The following CA5A variants were observed in gnomAD, a reference collection of about 807,000 sequenced individuals.
CA5A encodes the protein carbonic anhydrase 5A, mitochondrial.
A neutral mutation model predicts 37.1 loss-of-function variants in CA5A; 28 were observed. The ratio of observed to expected loss-of-function variants is 0.75; its 90% CI spans 0.56 to 1.03. The LOEUF is 1.03. Ranked by LOEUF, CA5A falls within the 50% of genes least tolerant of loss-of-function variation. CA5A has a pLI of 0.00. For missense variants in CA5A, 444 were observed against 399.9 expected (o/e 1.11, Z -0.94); for synonymous variants, 171 against 158.4 (o/e 1.08, Z -0.60).
At chr16:87,918,862 AG>A (rs1325553100) in intron 2 of CA5A, among the ~76,000 whole-genome samples, 1 of 152,224 alleles carries the variant, frequency 6.6e-6, no homozygotes, top group African/African-American at 2.4e-5. Flanking sequence ...AAATCTGTGA[AG>A]GAGAGGACCG....
chr16:87,901,566 T>G (rs1456626974), intron 5 of CA5A, among the ~76,000 whole-genome samples: 4 of 151,500 alleles, frequency 2.6e-5, no homozygotes, highest in Admixed American at 1.3e-4. Context: ...GCTTGTCAGA[T>G]TATACTGATT....
chr16:87,903,913 T>C (rs1733934193), intron 3 of CA5A, among the ~76,000 whole-genome samples: 1 of 152,150 alleles, frequency 6.6e-6, no homozygotes, highest in Admixed American at 6.6e-5. Context: ...AAAAATTTCA[T>C]AATGAAATAT....
chr16:87,894,766 C>T (rs1162635618), intron 5 of CA5A, among the ~76,000 whole-genome samples: 1 of 152,082 alleles, frequency 6.6e-6, no homozygotes. Flanking sequence ...GTCATCGCAG[C>T]TGCTCGGGAG....
At chr16:87,907,777 T>A (rs540222420) in intron 2 of CA5A, among the ~76,000 whole-genome samples, 65 of 152,164 alleles carry the variant, frequency 4.3e-4, no homozygotes, top group African/African-American at 1.5e-3. Flanking sequence ...ATACAAAAAA[T>A]TAGCCAGGTG....
At chr16:87,915,350 C>T (rs867537467) in intron 2 of CA5A, among the ~76,000 whole-genome samples, 1 of 151,996 alleles carries the variant, frequency 6.6e-6, no homozygotes, top group Admixed American at 6.6e-5. Context: ...GCGATGTACC[C>T]ACAGCATTGT....
At chr16:87,909,700 A>G (rs1467157470) in intron 2 of CA5A, among the ~76,000 whole-genome samples, 1 of 152,238 alleles carries the variant, frequency 6.6e-6, no homozygotes, top group Non-Finnish European at 1.5e-5. Context: ...AGCCTCTTTC[A>G]AGGTGAAACA....
chr16:87,923,881 C>G (rs1398049203), intron 2 of CA5A: 1 of 984,578 alleles, frequency 1.0e-6, no homozygotes, highest in African/African-American at 1.7e-5. Flanking sequence ...TACATTCACA[C>G]AAATATTAAC....
intron 5 of CA5A, among the ~76,000 whole-genome samples, chr16:87,899,334 G>A (rs544911881): frequency 9.6e-4 from 116 of 120,780 alleles, no homozygotes; most frequent in African/African-American, 3.5e-3. Context: ...GATGAGTCTC[G>A]CTGTGTCACT....
At position 87,892,097 on chromosome 16, in the gene CA5A, T is replaced by C. The variant is rs1158511625; in HGVS notation, c.619-143A>G. On this transcript the variant is annotated intron_variant, in intron 5 of 6. Transcript: ENST00000649794. ...GGCCATGAGGCCACTGCTGTCACAC[T>C]TGCAAGCAGTGATGAGAAAATGTGA... The C allele has an allele frequency of 7.7e-6, 5 of 646,960 alleles. No homozygotes were observed. The East Asian group carries it at 1.3e-4, about 17-fold the overall frequency. 40.1% of individuals were successfully genotyped at this position (646,960 alleles called of 1,614,324 possible). A position where few individuals can be genotyped will look rare whatever the true frequency, so the allele number is the denominator to read the frequency against.
intron 5 of CA5A, chr16:87,893,770 C>T (rs1047624532): frequency 8.7e-5 from 36 of 413,160 alleles, no homozygotes; most frequent in African/African-American, 7.0e-4. Context: ...ATTGAATACA[C>T]TCACAGCCAA....
intron 2 of CA5A, among the ~76,000 whole-genome samples, chr16:87,914,132 G>A (rs1257691596): frequency 4.6e-5 from 7 of 152,228 alleles, no homozygotes; most frequent in Non-Finnish European, 8.8e-5. Flanking sequence ...TTTGCTGAGA[G>A]AAAACTGCAG....
intron 5 of CA5A, among the ~76,000 whole-genome samples, chr16:87,899,665 A>T (rs1231247214): frequency 6.7e-6 from 1 of 149,360 alleles, no homozygotes; most frequent in African/African-American, 2.5e-5. Flanking sequence ...CACGCCGGTA[A>T]TCCCAGCAAT....
At chr16:87,915,562 A>C in intron 2 of CA5A, among the ~76,000 whole-genome samples, 1 of 111,060 alleles carries the variant, frequency 9.0e-6, no homozygotes, top group African/African-American at 3.5e-5. Flanking sequence ...TGTGGCTCAC[A>C]CCTGTAGATG....
chr16:87,903,725 A>G (rs1248158117), intron 3 of CA5A, among the ~76,000 whole-genome samples: 2 of 152,200 alleles, frequency 1.3e-5, no homozygotes, highest in Non-Finnish European at 2.9e-5. Flanking sequence ...TACTTTCATA[A>G]CAACAACAAG....
chr16:87,924,374 G>A (rs767360124), intron 2 of CA5A: 41 of 949,006 alleles, frequency 4.3e-5, no homozygotes, highest in Non-Finnish European at 4.9e-5. Context: ...GGACCAAGCC[G>A]TGGTGTTTGC....
intron 5 of CA5A, chr16:87,893,512 C>A: frequency 1.8e-6 from 1 of 558,742 alleles, no homozygotes; most frequent in Middle Eastern, 5.9e-4. Context: ...GGAAACTGTG[C>A]CTGCCACCCT....
chr16:87,932,511 G>T (rs907735524), intron 1 of CA5A, among the ~76,000 whole-genome samples: 1 of 152,204 alleles, frequency 6.6e-6, no homozygotes, highest in African/African-American at 2.4e-5. Flanking sequence ...TGCTGAATAG[G>T]CTTCCAATCT....
In CA5A at chr16:87,936,433, A is replaced by C; in HGVS notation, c.18T>G (p.Thr6=). Residue 6 remains threonine, a synonymous_variant, in exon 1 of 7, where the codon ACT becomes ACG. Transcript: ENST00000649794. The part of the protein sequence containing the change: MLGRN[T]WKTSAFSFLV... ...AGAAGGAGAAAGCTGAGGTCTTCCA[A>C]GTGTTCCTCCCCAACATCTTGGGTC... 2.5e-6 allele frequency: 4 copies of C among 1,613,996 alleles called. No individual in the cohort carries two copies. Among genetic ancestry groups the C allele is most frequent in the Non-Finnish European group, 2.5e-6 (3 of 1,179,952 alleles).
chr16:87,917,431 C>T lies in CA5A; in HGVS notation c.340+9317G>A, dbSNP rs554374076. Among the ~76,000 whole-genome samples, 4 of 152,288 alleles carry T rather than the reference C, an allele frequency of 2.6e-5. No homozygotes were observed. The South Asian group carries it at 8.3e-4, about 32-fold the overall frequency. The stretch of plus-strand genomic sequence containing the variant: ...GGTAAACTTTGGAAGCTGTTTGGTA[C>T]GTTTTCATTTTTCAGTCTTGAGGAC... On this transcript the variant is annotated intron_variant, in intron 2 of 6. Transcript: ENST00000649794.
Sources: gnomAD v4.1 joint callset for allele counts (sites outside exome capture counted in the v4.1 genomes callset) on GRCh38, gnomAD v4.1.1 for gene constraint, MANE v1.5 for transcripts, NCBI Gene and HGNC (gene_info 2026-07-23, HGNC 2026-07-21) for gene names.